STK3: variants seen among roughly 807,000 people sequenced by gnomAD.
STK3 encodes the protein serine/threonine-protein kinase 3.
In STK3, 41 loss-of-function variants were observed where a neutral mutation model predicts 58.0. The observed-to-expected ratio is 0.71, with a 90% confidence interval of 0.55 to 0.92. The LOEUF (loss-of-function observed/expected upper bound fraction) is 0.92, where lower values mean the gene tolerates loss of function less well. STK3 is among the 40% of genes least tolerant of loss of function. The pLI, the probability that STK3 is intolerant of heterozygous loss-of-function variation, is 0.00. For synonymous variants in STK3, 170 were observed against 191.0 expected (o/e 0.89, Z 0.91); for missense variants, 479 against 602.7 (o/e 0.79, Z 2.15).
intron 1 of STK3, among the ~76,000 whole-genome samples, chr8:98,782,900 G>C (rs1434051140): frequency 6.6e-6 from 1 of 152,020 alleles, no homozygotes; most frequent in East Asian, 1.9e-4. Context: ...GAAAAGTAAG[G>C]AAAGGAAGGA....
chr8:98,801,190 C>T (rs1833523744), intron 1 of STK3, among the ~76,000 whole-genome samples: 2 of 152,144 alleles, frequency 1.3e-5, no homozygotes, highest in Admixed American at 1.3e-4. Flanking sequence ...GTAAATACAC[C>T]AATTAGCACT....
At chr8:98,585,116 A>C (rs1287380484) in intron 7 of STK3, among the ~76,000 whole-genome samples, 2 of 151,212 alleles carry the variant, frequency 1.3e-5, no homozygotes, top group Non-Finnish European at 1.5e-5. Flanking sequence ...CCCATTTGTC[A>C]ATTTTGGCTT....
intron 1 of STK3, among the ~76,000 whole-genome samples, chr8:98,908,656 A>T (rs901138125): frequency 4.6e-5 from 7 of 151,968 alleles, no homozygotes; most frequent in Non-Finnish European, 1.0e-4. Flanking sequence ...CAGACTGGCC[A>T]ACATGGTGAA....
intron 9 of STK3, among the ~76,000 whole-genome samples, chr8:98,535,808 C>T (rs955929670): frequency 2.7e-4 from 41 of 152,052 alleles, no homozygotes; most frequent in African/African-American, 8.9e-4. Context: ...GCTTTTTTCA[C>T]TACAAAGAAC....
chr8:98,474,352 C>T (rs1365151493), intron 10 of STK3, among the ~76,000 whole-genome samples: 2 of 152,160 alleles, frequency 1.3e-5, no homozygotes, highest in Admixed American at 6.5e-5. Flanking sequence ...GGAAATGGCT[C>T]TTTCTTGCAT....
intron 3 of STK3, among the ~76,000 whole-genome samples, chr8:98,766,416 C>T (rs1830950110): frequency 6.6e-6 from 1 of 152,138 alleles, no homozygotes; most frequent in South Asian, 2.1e-4. Flanking sequence ...ACCCCTTTAA[C>T]ATCAAAAACT....
chr8:98,913,193 C>T (rs575560528), intron 1 of STK3, among the ~76,000 whole-genome samples: 1 of 151,542 alleles, frequency 6.6e-6, no homozygotes, highest in South Asian at 2.1e-4. Context: ...TAAGAGCTTT[C>T]TTTTTTAAAA....
intron 6 of STK3, among the ~76,000 whole-genome samples, chr8:98,630,766 A>AAGG (rs1819149712): frequency 6.7e-6 from 1 of 148,352 alleles, no homozygotes; most frequent in African/African-American, 2.6e-5. Flanking sequence ...GGAGAAGAAC[A>AAGG]AGAAGAAGAA....
intron 10 of STK3, among the ~76,000 whole-genome samples, chr8:98,513,844 T>A (rs1824717493): frequency 6.6e-6 from 1 of 152,122 alleles, no homozygotes; most frequent in African/African-American, 2.4e-5. Context: ...ATGCCCCATC[T>A]AGAGAGAGGG....
At chr8:98,643,406 T>G (rs1563838229) in intron 6 of STK3, among the ~76,000 whole-genome samples, 1 of 152,142 alleles carries the variant, frequency 6.6e-6, no homozygotes, top group Non-Finnish European at 1.5e-5. Flanking sequence ...TCACACAGAC[T>G]TTGTACTGTC....
intron 6 of STK3, among the ~76,000 whole-genome samples, chr8:98,697,860 C>G (rs967766342): frequency 6.8e-4 from 104 of 152,236 alleles, no homozygotes; most frequent in African/African-American, 2.4e-3. Flanking sequence ...GTGGAGAGTT[C>G]TGTAGATGTC....
chr8:98,695,709 T>A (rs1563899180), intron 6 of STK3, among the ~76,000 whole-genome samples: 1 of 152,150 alleles, frequency 6.6e-6, no homozygotes, highest in Non-Finnish European at 1.5e-5. Flanking sequence ...GATCTATATC[T>A]CTGTTTTGGT....
intron 10 of STK3, among the ~76,000 whole-genome samples, chr8:98,473,479 C>A (rs1321030612): frequency 6.6e-6 from 1 of 152,152 alleles, no homozygotes; most frequent in East Asian, 1.9e-4. Flanking sequence ...CCAGTTGTCA[C>A]AATTCCATCC....
In STK3 at chr8:98,796,204, G is replaced by C. The variant is rs374598342; in HGVS notation, c.27-21385C>G. 5.1e-4 allele frequency among the ~76,000 whole-genome samples: 78 copies of C among 152,182 alleles called. No homozygotes were observed. The South Asian group carries it at 0.016, about 31-fold the overall frequency. ...CAGCCAAGGCAACTGTAAGTAAAAA[G>C]GACAAAGTCAGAGATATCACATTAC... On this transcript the variant is annotated intron_variant, in intron 1 of 10. Coordinates refer to ENST00000419617, the MANE Select transcript of STK3 (RefSeq NM_006281.4).
At chr8:98,716,479 G>A (rs1173268926) in intron 4 of STK3, among the ~76,000 whole-genome samples, 1 of 151,836 alleles carries the variant, frequency 6.6e-6, no homozygotes, top group African/African-American at 2.4e-5. Flanking sequence ...CCAAGGAGGT[G>A]AAATATCTGT....
chr8:98,470,375 A>G (rs1357850784), intron 10 of STK3, among the ~76,000 whole-genome samples: 1 of 152,186 alleles, frequency 6.6e-6, no homozygotes, highest in African/African-American at 2.4e-5. Flanking sequence ...TAGCCCTGCC[A>G]CCGCCAACCC....
chr8:98,728,879 A>G (rs1378348620), intron 4 of STK3, among the ~76,000 whole-genome samples: 2 of 152,228 alleles, frequency 1.3e-5, no homozygotes, highest in Non-Finnish European at 2.9e-5. Flanking sequence ...ATTAATCTTA[A>G]TAATCAATAA....
intron 8 of STK3, among the ~76,000 whole-genome samples, chr8:98,565,721 G>A (rs1056662934): frequency 3.3e-5 from 5 of 152,026 alleles, no homozygotes; most frequent in Admixed American, 2.6e-4. Context: ...AAGCTTTATT[G>A]CATAGAAAGA....
At chr8:98,534,712 A>G (rs1021382343) in intron 9 of STK3, among the ~76,000 whole-genome samples, 1 of 152,192 alleles carries the variant, frequency 6.6e-6, no homozygotes, top group African/African-American at 2.4e-5. Context: ...TCTAGGCTTC[A>G]TCATTACAAG....
Sources: allele counts gnomAD v4.1 joint callset (sites outside exome capture counted in the v4.1 genomes callset), GRCh38; gene constraint gnomAD v4.1.1; transcripts MANE v1.5; gene names NCBI Gene and HGNC (gene_info 2026-07-23, HGNC 2026-07-21).